Variants in USP8 observed in about 807,000 individuals in gnomAD.
USP8 encodes ubiquitin carboxyl-terminal hydrolase 8.
Under a neutral mutation model 130.0 loss-of-function variants are expected in USP8, and 27 were observed. The observed-to-expected ratio is 0.21, with a 90% confidence interval of 0.15 to 0.29. USP8 has a LOEUF of 0.29. USP8 is among the 10% of genes least tolerant of loss of function. The pLI, the probability that USP8 is intolerant of heterozygous loss-of-function variation, is 1.00. For missense variants in USP8, 1,029 were observed against 1,312.2 expected (o/e 0.78, Z 3.33); for synonymous variants, 392 against 444.1 (o/e 0.88, Z 1.48).
In USP8 at chr15:50,512,122, G is replaced by A. The variant is rs572514237; in HGVS notation, c.*13034G>A. On this transcript the variant is annotated 3_prime_UTR_variant, in exon 20 of 20. Coordinates refer to ENST00000307179, the MANE Select transcript of USP8 (RefSeq NM_005154.5). ...AGCACTTTGGGAGGCCAAGGTGGGTGCGCCACTTGAGGTCAGGAGTTCAAG... is the reference window on the plus strand; with the variant it reads ...AGCACTTTGGGAGGCCAAGGTGGGTACGCCACTTGAGGTCAGGAGTTCAAG... 1 of 152,296 alleles carries A rather than the reference G, an allele frequency of 6.6e-6. No individual in the cohort carries two copies. The highest frequency in any genetic ancestry group is 2.1e-4 in the South Asian group (1 of 4,820). 9.4% of individuals were successfully genotyped at this position (152,296 alleles called of 1,614,324 possible). A position where few individuals can be genotyped will look rare whatever the true frequency, so the allele number is the denominator to read the frequency against.
intron 10 of USP8, among the ~76,000 whole-genome samples, chr15:50,480,013 G>C (rs768226976): frequency 6.6e-6 from 1 of 151,986 alleles, no homozygotes; most frequent in Non-Finnish European, 1.5e-5. Context: ...TATCCGGCTC[G>C]GCCTCCCAAA....
At position 50,504,447 on chromosome 15, in the gene USP8, C is replaced by T. The variant is rs1167629055; in HGVS notation, c.*5359C>T. The stretch of plus-strand genomic sequence containing the variant: ...GTTGAGGTGGGAGAATCACCTGAGC[C>T]CAGGAGGTCGAGGCTACAGTGAGCT... On this transcript the variant is annotated 3_prime_UTR_variant, in exon 20 of 20. Coordinates refer to ENST00000307179, the MANE Select transcript of USP8 (RefSeq NM_005154.5). 2 of 152,264 alleles carry T rather than the reference C, an allele frequency of 1.3e-5. No homozygotes were observed. The highest frequency in any genetic ancestry group is 4.8e-5 in the African/African-American group (2 of 41,398). 9.4% of individuals were successfully genotyped at this position (152,264 alleles called of 1,614,324 possible).
intron 8 of USP8, among the ~76,000 whole-genome samples, chr15:50,473,942 C>G (rs2051473501): frequency 6.6e-6 from 1 of 152,050 alleles, no homozygotes; most frequent in African/African-American, 2.4e-5. Flanking sequence ...TCAAGCAATT[C>G]TCCTGCCTCG....
At chr15:50,472,562 A>G (rs899382537) in intron 8 of USP8, among the ~76,000 whole-genome samples, 1 of 146,958 alleles carries the variant, frequency 6.8e-6, no homozygotes, top group East Asian at 2.0e-4. Context: ...GCACCACTGC[A>G]CTCCAGCCTG....
At chr15:50,448,768 C>T (rs2050519784) in intron 3 of USP8, among the ~76,000 whole-genome samples, 1 of 152,122 alleles carries the variant, frequency 6.6e-6, no homozygotes, top group Non-Finnish European at 1.5e-5. Flanking sequence ...GATGTGCCCG[C>T]CTCGGCCTCC....
In USP8 at chr15:50,474,143, G is replaced by A. The variant is rs544518210; in HGVS notation, c.849+2348G>A. Among the ~76,000 whole-genome samples, 10 of 152,092 alleles carry A rather than the reference G, an allele frequency of 6.6e-5. No homozygotes were observed. In the South Asian group the frequency reaches 1.2e-3, roughly 19 times the overall value. On this transcript the variant is annotated intron_variant, in intron 8 of 19. Transcript: ENST00000307179. Reference sequence around the variant, plus strand: ...ACTCAGCCTCCTGAGTAGCTGAGGCGTGCGTCACCATCCTAGCTAATTTTA... The same window carrying A: ...ACTCAGCCTCCTGAGTAGCTGAGGCATGCGTCACCATCCTAGCTAATTTTA...
At position 50,492,704 on chromosome 15, in the gene USP8, A is replaced by G; in HGVS notation, c.2238A>G (p.Pro746=). The G allele has an allele frequency of 6.2e-7, 1 of 1,613,174 alleles. No individual in the cohort carries two copies. The highest frequency in any genetic ancestry group is 1.7e-5 in the Admixed American group (1 of 59,940). The change falls in exon 15 of 20, where the codon CCA becomes CCG. Residue 746 remains proline, a synonymous_variant. Transcript: ENST00000307179. ...VTPTVNRENK[P]TCYPKAEISR... is the part of the protein sequence containing the mutation. ...TTGTATCCTTTTTCTTCCTCAGGCCAACATGTTATCCTAAAGCTGAGATCT... is the reference window on the plus strand; with the variant it reads ...TTGTATCCTTTTTCTTCCTCAGGCCGACATGTTATCCTAAAGCTGAGATCT...
intron 1 of USP8, among the ~76,000 whole-genome samples, chr15:50,427,439 A>G (rs2049774551): frequency 6.6e-6 from 1 of 152,176 alleles, no homozygotes. Flanking sequence ...GTTCAAAGTC[A>G]TATGATTAAT....
At chr15:50,426,534 G>C (rs1476889255) in intron 1 of USP8, among the ~76,000 whole-genome samples, 1 of 152,168 alleles carries the variant, frequency 6.6e-6, no homozygotes, top group Non-Finnish European at 1.5e-5. Flanking sequence ...GGAGTCAACC[G>C]AGAGCTCAGC....
chr15:50,495,275 T>C (rs936483204), intron 16 of USP8, among the ~76,000 whole-genome samples: 2 of 7,790 alleles, frequency 2.6e-4, no homozygotes, highest in African/African-American at 8.6e-4. Flanking sequence ...TATACACATA[T>C]ATATACACAT....
At chr15:50,471,330 T>A (rs2051368020) in intron 7 of USP8, among the ~76,000 whole-genome samples, 1 of 152,188 alleles carries the variant, frequency 6.6e-6, no homozygotes, top group Non-Finnish European at 1.5e-5. Context: ...CTCAGATAAT[T>A]TTCTCTGTTT....
chr15:50,453,860 C>CTT (rs71124355), intron 4 of USP8, among the ~76,000 whole-genome samples: 35,166 of 86,828 alleles, frequency 0.41, 10,014 homozygotes, highest in Non-Finnish European at 0.49. Flanking sequence ...TGGGAATATT[C>CTT]TTTTTTTTTT....
intron 6 of USP8, 99 bp from the exon 7 acceptor site, chr15:50,464,948 A>T: frequency 7.9e-7 from 1 of 1,268,636 alleles, no homozygotes; most frequent in Non-Finnish European, 1.1e-6. Flanking sequence ...TATTCAGTAT[A>T]CTTTGCTCTT....
chr15:50,441,969 CTTTTTTTT>C (rs1011150634), intron 3 of USP8, among the ~76,000 whole-genome samples: 975 of 81,480 alleles, frequency 0.012, 8 homozygotes, highest in Middle Eastern at 0.025. Flanking sequence ...CTCCCTAAAT[CTTTTTTTT>C]TTTTTTTTTT....
rs1312807664 is a variant in USP8 at position 50,459,156 on chromosome 15, C to G, written c.492C>G (p.Thr164=). ...ATGTTTTGGATTCCAAAGACAAAAC[C>G]CAAAAGGTATTTCAAATTTAATGTG... ...LENVLDSKDK[T]QKSNGEKNEK... is the part of the protein sequence containing the mutation. Residue 164 remains threonine, a synonymous_variant, in exon 5 of 20, where the codon ACC becomes ACG. Coordinates refer to ENST00000307179, the MANE Select transcript of USP8 (RefSeq NM_005154.5). 10 of 1,599,714 alleles carry G rather than the reference C, an allele frequency of 6.3e-6. No individual in the cohort carries two copies. In the South Asian group the frequency reaches 1.0e-4, roughly 16 times the overall value.
chr15:50,460,547 G>A (rs1002119095), intron 5 of USP8, among the ~76,000 whole-genome samples: 7 of 151,870 alleles, frequency 4.6e-5, no homozygotes, highest in Non-Finnish European at 1.0e-4. Context: ...GACCTCAAGC[G>A]ATCTACCCAC....
At chr15:50,424,826 G>T (rs553870142) in intron 1 of USP8, among the ~76,000 whole-genome samples, 138 of 144,588 alleles carry the variant, frequency 9.5e-4, no homozygotes, top group African/African-American at 3.2e-3. Flanking sequence ...CTTGCTTCCG[G>T]TTTTTTTTTT....
intron 5 of USP8, among the ~76,000 whole-genome samples, chr15:50,461,054 G>A (rs1031958106): frequency 5.9e-5 from 9 of 151,594 alleles, no homozygotes; most frequent in African/African-American, 1.7e-4. Flanking sequence ...GTGCAGTGGC[G>A]CGATCTCAGC....
chr15:50,484,074 T>G (rs564682774), intron 11 of USP8, among the ~76,000 whole-genome samples: 1 of 152,136 alleles, frequency 6.6e-6, no homozygotes, highest in South Asian at 2.1e-4. Flanking sequence ...CATCTTTTTT[T>G]TTTCTTCACT....
Sources: gnomAD v4.1 joint callset for allele counts (sites outside exome capture counted in the v4.1 genomes callset) on GRCh38, gnomAD v4.1.1 for gene constraint, MANE v1.5 for transcripts, NCBI Gene and HGNC (gene_info 2026-07-23, HGNC 2026-07-21) for gene names.